RANBP2: variants seen among roughly 807,000 people sequenced by gnomAD.
The protein encoded by RANBP2 is RAN binding protein 2.
A neutral mutation model predicts 303.6 loss-of-function variants in RANBP2; 57 were observed. The ratio of observed to expected loss-of-function variants is 0.19; its 90% CI spans 0.15 to 0.23. RANBP2 has a LOEUF of 0.23. Ranked by LOEUF, RANBP2 falls within the 10% of genes least tolerant of loss-of-function variation. RANBP2 has a pLI of 1.00. For synonymous variants in RANBP2, 1,167 were observed against 1,301.5 expected (o/e 0.90, Z 2.23); for missense variants, 3,138 against 3,780.8 (o/e 0.83, Z 4.46).
the RANBP2 span, among the ~76,000 whole-genome samples, chr2:108,908,583 C>T: frequency 4.6e-5 from 7 of 152,094 alleles, no homozygotes; most frequent in Admixed American, 1.3e-4. Flanking sequence ...CAAGCCCCAG[C>T]GGGTGAGCTG....
the RANBP2 span, among the ~76,000 whole-genome samples, chr2:108,971,698 CA>C: frequency 1.5e-4 from 23 of 152,310 alleles, 1 homozygote; most frequent in South Asian, 4.6e-3. Context: ...CAAGGTTACA[CA>C]GAAGTTAAAG....
the RANBP2 span, chr2:109,544,858 A>AG: frequency 2.5e-5 from 20 of 813,788 alleles, no homozygotes; most frequent in South Asian, 1.0e-3. Context: ...TCAATGAACA[A>AG]GATAAAGATC....
chr2:108,930,147 CG>C, the RANBP2 span: 1 of 1,613,966 alleles, frequency 6.2e-7, no homozygotes, highest in Admixed American at 1.7e-5. Context: ...CCGGCCCACA[CG>C]GGGGGCACTC....
chr2:109,361,536 C>T, the RANBP2 span, among the ~76,000 whole-genome samples: 6 of 152,096 alleles, frequency 3.9e-5, no homozygotes, highest in East Asian at 1.9e-4. Context: ...TGCAGTGGCG[C>T]GATCTTGGCT....
At chr2:109,186,515 C>T in the RANBP2 span, among the ~76,000 whole-genome samples, 1 of 152,174 alleles carries the variant, frequency 6.6e-6, no homozygotes, top group Non-Finnish European at 1.5e-5. Flanking sequence ...GGCCAGTTAC[C>T]CAGACCTTGA....
chr2:109,191,415 T>G, the RANBP2 span, among the ~76,000 whole-genome samples: 4 of 152,166 alleles, frequency 2.6e-5, no homozygotes, highest in African/African-American at 9.7e-5. Flanking sequence ...GAATACTATT[T>G]AGAAGAAAGT....
chr2:109,615,283 AC>A, the RANBP2 span: 3 of 1,590,724 alleles, frequency 1.9e-6, no homozygotes, highest in Admixed American at 3.5e-5. Flanking sequence ...GTGACGCTGG[AC>A]CCCCTGGAGC....
chr2:109,703,590 A>G, the RANBP2 span, among the ~76,000 whole-genome samples: 1 of 151,834 alleles, frequency 6.6e-6, no homozygotes. Flanking sequence ...CACCACGCCC[A>G]ACTAATTTTT....
chr2:109,192,954 C>G, the RANBP2 span, among the ~76,000 whole-genome samples: 4 of 152,044 alleles, frequency 2.6e-5, no homozygotes, highest in African/African-American at 9.7e-5. Flanking sequence ...GGGTGTTTTG[C>G]AAGAAGAAGA....
chr2:109,186,543 G>GT, the RANBP2 span, among the ~76,000 whole-genome samples: 1 of 152,212 alleles, frequency 6.6e-6, no homozygotes, highest in South Asian at 2.1e-4. Flanking sequence ...AGTCAATTCT[G>GT]TTTTTGACAT....
the RANBP2 span, among the ~76,000 whole-genome samples, chr2:109,207,304 G>T: frequency 2.5e-4 from 38 of 152,144 alleles, no homozygotes; most frequent in Non-Finnish European, 4.7e-4. Flanking sequence ...TCTGATTAAA[G>T]AATTTGTCTC....
the RANBP2 span, among the ~76,000 whole-genome samples, chr2:109,355,693 A>G: frequency 6.6e-6 from 1 of 152,170 alleles, no homozygotes; most frequent in Admixed American, 6.5e-5. Context: ...CTGTTGGGAA[A>G]CAGTGAGTGG....
At chr2:109,219,189 G>T in the RANBP2 span, among the ~76,000 whole-genome samples, 2 of 152,220 alleles carry the variant, frequency 1.3e-5, no homozygotes, top group African/African-American at 4.8e-5. Flanking sequence ...TGGAGCATGG[G>T]AGGATCCTGA....
the RANBP2 span, among the ~76,000 whole-genome samples, chr2:109,587,932 A>G: frequency 0.084 from 12,713 of 151,574 alleles, 541 homozygotes; most frequent in Non-Finnish European, 0.093. Flanking sequence ...AAACAAAAAC[A>G]AACACACACA....
chr2:108,786,669 T>A (rs559162568), downstream of RANBP2: 15 of 666,712 alleles, frequency 2.2e-5, no homozygotes, highest in Non-Finnish European at 3.5e-5. Context: ...CAAGCCGGGC[T>A]GCAGTCTCCG....
chr2:109,578,196 A>G, the RANBP2 span, among the ~76,000 whole-genome samples: 3 of 152,180 alleles, frequency 2.0e-5, no homozygotes, highest in African/African-American at 7.2e-5. Context: ...TATGTCGGTA[A>G]TTACATTAAT....
At chr2:109,486,129 C>T in the RANBP2 span, among the ~76,000 whole-genome samples, 1 of 152,248 alleles carries the variant, frequency 6.6e-6, no homozygotes, top group East Asian at 1.9e-4. Flanking sequence ...TCCCAAGGAG[C>T]TGACCCCTTC....
At chr2:109,230,772 A>C in the RANBP2 span, among the ~76,000 whole-genome samples, 32 of 152,228 alleles carry the variant, frequency 2.1e-4, no homozygotes, top group Admixed American at 3.9e-4. Flanking sequence ...TTGTCTGGAC[A>C]TGACCCTATC....
At chr2:108,996,659 T>C in the RANBP2 span, among the ~76,000 whole-genome samples, 1 of 152,106 alleles carries the variant, frequency 6.6e-6, no homozygotes, top group Non-Finnish European at 1.5e-5. Flanking sequence ...TGTTGTCCTG[T>C]GCCTTTGAAT....
Sources: allele counts gnomAD v4.1 joint callset (sites outside exome capture counted in the v4.1 genomes callset), GRCh38; gene constraint gnomAD v4.1.1; transcripts MANE v1.5; gene names NCBI Gene and HGNC (gene_info 2026-07-23, HGNC 2026-07-21).